GARRE1: variants seen among roughly 807,000 people sequenced by gnomAD.
GARRE1 encodes granule associated Rac and RHOG effector 1, also known as granule associated Rac and RHOG effector protein 1.
Under a neutral mutation model 103.2 loss-of-function variants are expected in GARRE1, and 49 were observed. That is an observed-to-expected ratio of 0.47 (90% CI 0.38 to 0.60). The LOEUF (loss-of-function observed/expected upper bound fraction) is 0.60. Among genes scored for constraint, GARRE1 ranks in the 20% least tolerant of loss-of-function variants. The pLI, the probability that GARRE1 is intolerant of heterozygous loss-of-function variation, is 0.00. For missense variants in GARRE1, 1,199 were observed against 1,370.5 expected (o/e 0.87, Z 1.98); for synonymous variants, 505 against 532.8 (o/e 0.95, Z 0.72).
intron 8 of GARRE1, among the ~76,000 whole-genome samples, chr19:34,337,550 T>C (rs947780798): frequency 5.3e-5 from 8 of 152,080 alleles, no homozygotes; most frequent in Non-Finnish European, 8.8e-5. Context: ...TGACCCAGCA[T>C]GGAAGGAGAT....
At position 34,300,093 on chromosome 19, in the gene GARRE1, T is replaced by G; in HGVS notation, c.-381T>G. 5.7e-6 allele frequency: 1 copy of G among 176,806 alleles called. No homozygotes were observed. The highest frequency in any genetic ancestry group is 1.2e-5 in the Non-Finnish European group (1 of 84,014). The allele number at this position is 176,806 out of a possible 1,614,324, so 11.0% of individuals were successfully genotyped here. A position where few individuals can be genotyped will look rare whatever the true frequency, so the allele number is the denominator to read the frequency against. ...TATATTGAAGACACAGTGTATTACATTATATTACATTTTTAAACGTTAAGT... is the reference window on the plus strand; with the variant it reads ...TATATTGAAGACACAGTGTATTACAGTATATTACATTTTTAAACGTTAAGT... On this transcript the variant is annotated 5_prime_UTR_variant, in exon 2 of 14. Coordinates refer to ENST00000299505, the MANE Select transcript of GARRE1 (RefSeq NM_014686.5).
intron 10 of GARRE1, among the ~76,000 whole-genome samples, chr19:34,345,439 G>GT (rs2074206577): frequency 6.6e-6 from 1 of 152,208 alleles, no homozygotes; most frequent in Admixed American, 6.5e-5. Context: ...GGCACAGTGC[G>GT]TTTTCTCAGT....
At chr19:34,327,699 CT>C (rs2074118227) in intron 4 of GARRE1, 71 bp from the exon 5 acceptor site, 2 of 1,502,606 alleles carry the variant, frequency 1.3e-6, no homozygotes. Flanking sequence ...TTTAAGATTT[CT>C]ATTTCCATTG....
chr19:34,328,660 G>A (rs1472057768), intron 6 of GARRE1, among the ~76,000 whole-genome samples: 1 of 152,060 alleles, frequency 6.6e-6, no homozygotes, highest in Non-Finnish European at 1.5e-5. Flanking sequence ...CTAGAGTACA[G>A]TGGTGTGATC....
At chr19:34,282,583 C>T (rs2145223556) in intron 1 of GARRE1, among the ~76,000 whole-genome samples, 1 of 152,188 alleles carries the variant, frequency 6.6e-6, no homozygotes, top group African/African-American at 2.4e-5. Context: ...CTTAGTTGTC[C>T]TTTTTTGTCC....
intron 6 of GARRE1, among the ~76,000 whole-genome samples, chr19:34,329,576 C>T (rs1284508488): frequency 6.6e-6 from 1 of 152,146 alleles, no homozygotes; most frequent in Admixed American, 6.5e-5. Context: ...TGGCTCATGC[C>T]TGTAATCCCA....
At chr19:34,264,653 C>T (rs908872211) in intron 1 of GARRE1, among the ~76,000 whole-genome samples, 1 of 152,178 alleles carries the variant, frequency 6.6e-6, no homozygotes, top group Non-Finnish European at 1.5e-5. Flanking sequence ...CCACCTCGGC[C>T]TCCCAAAGTG....
intron 3 of GARRE1, among the ~76,000 whole-genome samples, chr19:34,322,649 G>A (rs868112620): frequency 1.3e-5 from 2 of 151,810 alleles, no homozygotes; most frequent in Middle Eastern, 3.2e-3. Flanking sequence ...GTGCAGTGGC[G>A]CAATCTCGGC....
chr19:34,288,114 G>A (rs1196416069), intron 1 of GARRE1, among the ~76,000 whole-genome samples: 1 of 152,000 alleles, frequency 6.6e-6, no homozygotes, highest in Admixed American at 6.6e-5. Flanking sequence ...TTGGTCACCT[G>A]TTGGACCAAC....
At chr19:34,291,584 G>T (rs1048967796) in intron 1 of GARRE1, among the ~76,000 whole-genome samples, 2 of 152,152 alleles carry the variant, frequency 1.3e-5, no homozygotes, top group Non-Finnish European at 2.9e-5. Context: ...GAGAGCAAGA[G>T]ATGGTTGAAC....
chr19:34,328,392 G>C (rs1416234737), intron 6 of GARRE1, among the ~76,000 whole-genome samples: 2 of 151,700 alleles, frequency 1.3e-5, no homozygotes, highest in Non-Finnish European at 2.9e-5. Flanking sequence ...AGCCGGGTAC[G>C]GTGGCACGCA....
chr19:34,315,001 T>C (rs970327182), intron 2 of GARRE1, among the ~76,000 whole-genome samples: 2 of 152,202 alleles, frequency 1.3e-5, no homozygotes, highest in African/African-American at 4.8e-5. Context: ...AATGTAACAT[T>C]TAAGGTATAA....
chr19:34,300,663 C>T lies in GARRE1; in HGVS notation c.190C>T (p.His64Tyr), dbSNP rs772707616. 1.9e-6 allele frequency: 3 copies of T among 1,613,988 alleles called. No individual in the cohort carries two copies. The highest frequency in any genetic ancestry group is 2.5e-6 in the Non-Finnish European group (3 of 1,180,022). ...LGSLTAAGSC[H>Y]HAMPHTTPIA... ...CAGTCTGACCGCTGCAGGCAGCTGC[C>T]ACCATGCCATGCCCCACACTACTCC... Residue 64 changes from histidine (H) to tyrosine (Y), a missense_variant, in exon 2 of 14, where the codon CAC (histidine) becomes TAC (tyrosine). Transcript: ENST00000299505.
chr19:34,266,383 C>T (rs1162960042), intron 1 of GARRE1, among the ~76,000 whole-genome samples: 2 of 152,128 alleles, frequency 1.3e-5, no homozygotes, highest in Admixed American at 6.5e-5. Context: ...TTTTTTGAGA[C>T]AGGAGTCTCG....
intron 12 of GARRE1, among the ~76,000 whole-genome samples, chr19:34,350,288 T>C (rs1035360781): frequency 2.6e-5 from 4 of 152,156 alleles, no homozygotes; most frequent in African/African-American, 9.7e-5. Flanking sequence ...GCAAGTTTTC[T>C]GCCTGAGTTT....
rs2074250400 is a variant in GARRE1 at position 34,353,239 on chromosome 19, G to T, written c.*284G>T. On this transcript the variant is annotated 3_prime_UTR_variant, in exon 14 of 14. Coordinates refer to ENST00000299505, the MANE Select transcript of GARRE1 (RefSeq NM_014686.5). ...TGCATGCCTAGTAAGCGCCACAGGT[G>T]ACTCTGATGCAGGCGCCACAGCCAC... is the stretch of plus-strand genomic sequence containing the variant. The T allele has an allele frequency of 6.7e-6, 3 of 448,416 alleles. No individual in the cohort carries two copies. The highest frequency in any genetic ancestry group is 1.2e-5 in the Non-Finnish European group (3 of 253,206). The allele number at this position is 448,416 out of a possible 1,614,324, so 27.8% of individuals were successfully genotyped here. A position where few individuals can be genotyped will look rare whatever the true frequency, so the allele number is the denominator to read the frequency against.
chr19:34,311,811 A>T (rs1052023991), intron 2 of GARRE1, among the ~76,000 whole-genome samples: 1 of 151,818 alleles, frequency 6.6e-6, no homozygotes, highest in African/African-American at 2.4e-5. Flanking sequence ...GGGTTTCACC[A>T]TGTTGGTCAG....
At chr19:34,328,367 T>TA (rs2074122050) in intron 6 of GARRE1, among the ~76,000 whole-genome samples, 1 of 151,734 alleles carries the variant, frequency 6.6e-6, no homozygotes, top group South Asian at 2.1e-4. Flanking sequence ...CTGTTTCTGC[T>TA]AAAAATAAAA....
intron 1 of GARRE1, among the ~76,000 whole-genome samples, chr19:34,294,069 C>T (rs1301557719): frequency 1.3e-5 from 2 of 151,942 alleles, no homozygotes; most frequent in African/African-American, 4.8e-5. Context: ...GTTGCATAAA[C>T]TTATTTTTAT....
Sources: gnomAD v4.1 joint callset for allele counts (sites outside exome capture counted in the v4.1 genomes callset) on GRCh38, gnomAD v4.1.1 for gene constraint, MANE v1.5 for transcripts, NCBI Gene and HGNC (gene_info 2026-07-23, HGNC 2026-07-21) for gene names.